The following TENM2 variants were observed in gnomAD, a reference collection of about 807,000 sequenced individuals.
TENM2 encodes teneurin-2.
Under a neutral mutation model 245.2 loss-of-function variants are expected in TENM2, and 52 were observed. The observed-to-expected ratio is 0.21, with a 90% confidence interval of 0.17 to 0.27. TENM2 has a LOEUF of 0.27. TENM2 is among the 10% of genes least tolerant of loss of function. TENM2 has a pLI of 1.00. For synonymous variants in TENM2, 1,363 were observed against 1,438.9 expected (o/e 0.95, Z 1.19); for missense variants, 3,046 against 3,666.8 (o/e 0.83, Z 4.37).
chr5:168,010,854 A>G (rs1785167715), intron 5 of TENM2, among the ~76,000 whole-genome samples: 1 of 152,202 alleles, frequency 6.6e-6, no homozygotes, highest in African/African-American at 2.4e-5. Context: ...CGCATATTCA[A>G]TTTGGGGGCG....
intron 2 of TENM2, chr5:167,755,163 T>C: frequency 6.3e-7 from 1 of 1,599,050 alleles, no homozygotes; most frequent in Non-Finnish European, 8.5e-7. Context: ...GTGAGTTTTC[T>C]CCATGGGAAG....
chr5:167,029,922 C>A, the TENM2 span, among the ~76,000 whole-genome samples: 1 of 152,326 alleles, frequency 6.6e-6, no homozygotes, highest in South Asian at 2.1e-4. Context: ...ACCTGAGTCC[C>A]TGACTCCTGG....
chr5:167,255,145 T>A, the TENM2 span, among the ~76,000 whole-genome samples: 1 of 151,804 alleles, frequency 6.6e-6, no homozygotes, highest in African/African-American at 2.4e-5. Context: ...CCTTGAGCTG[T>A]ACAGTCAAAA....
At chr5:167,715,066 G>A (rs1489322945) in intron 2 of TENM2, among the ~76,000 whole-genome samples, 1 of 152,062 alleles carries the variant, frequency 6.6e-6, no homozygotes, top group Non-Finnish European at 1.5e-5. Flanking sequence ...CTCAAAGGAT[G>A]CCAAGAAACA....
At chr5:167,355,838 AAAG>A (rs891452437) in intron 1 of TENM2, among the ~76,000 whole-genome samples, 1 of 151,916 alleles carries the variant, frequency 6.6e-6, no homozygotes, top group Non-Finnish European at 1.5e-5. Flanking sequence ...GCATTTTAAA[AAAG>A]AAGCAATCTA....
At chr5:168,253,488 C>A (rs1346700266) in intron 27 of TENM2, among the ~76,000 whole-genome samples, 1 of 145,110 alleles carries the variant, frequency 6.9e-6, no homozygotes, top group Non-Finnish European at 1.5e-5. Flanking sequence ...TGCAGTGGTA[C>A]GATCTTGGCT....
intron 2 of TENM2, among the ~76,000 whole-genome samples, chr5:167,515,080 T>C (rs1014348103): frequency 1.3e-5 from 2 of 152,080 alleles, no homozygotes; most frequent in African/African-American, 2.4e-5. Context: ...AGCCATCAAG[T>C]TCATGAAGGT....
At chr5:167,915,917 A>G (rs1233210793) in intron 3 of TENM2, among the ~76,000 whole-genome samples, 3 of 152,200 alleles carry the variant, frequency 2.0e-5, no homozygotes, top group African/African-American at 4.8e-5. Flanking sequence ...GGCAATAGGT[A>G]TATTTGATTA....
At chr5:166,997,978 T>C in the TENM2 span, among the ~76,000 whole-genome samples, 1 of 152,128 alleles carries the variant, frequency 6.6e-6, no homozygotes. Context: ...TCTAGTTTCA[T>C]ATATGTACAT....
At chr5:167,359,553 A>G (rs1010513023) in intron 1 of TENM2, among the ~76,000 whole-genome samples, 1 of 151,838 alleles carries the variant, frequency 6.6e-6, no homozygotes, top group African/African-American at 2.4e-5. Flanking sequence ...CTTTTAAGAT[A>G]TTACATACTT....
intron 2 of TENM2, among the ~76,000 whole-genome samples, chr5:167,870,939 T>C (rs2151342386): frequency 6.6e-6 from 1 of 152,192 alleles, no homozygotes; most frequent in African/African-American, 2.4e-5. Context: ...TTTAAGTGAA[T>C]TTTGGGAATT....
At chr5:167,631,464 T>C (rs1778868067) in intron 2 of TENM2, among the ~76,000 whole-genome samples, 1 of 152,140 alleles carries the variant, frequency 6.6e-6, no homozygotes. Context: ...AAGTTGGATG[T>C]GGCTGAAGCA....
intron 3 of TENM2, among the ~76,000 whole-genome samples, chr5:167,897,699 C>T (rs1182034160): frequency 6.6e-6 from 1 of 152,158 alleles, no homozygotes; most frequent in Non-Finnish European, 1.5e-5. Context: ...CACCCACAGT[C>T]TTTGCCTCAT....
intron 2 of TENM2, among the ~76,000 whole-genome samples, chr5:167,391,301 T>C (rs1002978790): frequency 1.3e-5 from 2 of 152,056 alleles, no homozygotes; most frequent in African/African-American, 2.4e-5. Flanking sequence ...AACTTGATGA[T>C]AGTTTGAATG....
intron 2 of TENM2, among the ~76,000 whole-genome samples, chr5:167,426,841 C>G (rs76062274): frequency 0.011 from 1,654 of 152,204 alleles, 9 homozygotes; most frequent in South Asian, 0.046. Context: ...AACATATGCT[C>G]TACATTTTTT....
intron 2 of TENM2, among the ~76,000 whole-genome samples, chr5:167,768,565 C>G (rs956079083): frequency 4.6e-5 from 7 of 152,132 alleles, no homozygotes. Flanking sequence ...TCTCAACCAT[C>G]AGGAGCTCAT....
chr5:168,219,815 T>C (rs1581668272), intron 23 of TENM2, among the ~76,000 whole-genome samples: 2 of 91,010 alleles, frequency 2.2e-5, no homozygotes, highest in African/African-American at 1.4e-4. Context: ...TTAGGGAGAG[T>C]TGGCACAGCA....
chr5:168,175,696 G>A (rs924161750), intron 13 of TENM2, among the ~76,000 whole-genome samples: 1 of 152,168 alleles, frequency 6.6e-6, no homozygotes, highest in Non-Finnish European at 1.5e-5. Flanking sequence ...TATGCCAGGT[G>A]TGCCAGAGTC....
chr5:168,129,829 G>A (rs1754410104), intron 12 of TENM2: 1 of 152,126 alleles, frequency 6.6e-6, no homozygotes, highest in South Asian at 2.1e-4. Context: ...AGGAAATGGG[G>A]GCTCTTTGGT....
Sources: allele counts gnomAD v4.1 joint callset (sites outside exome capture counted in the v4.1 genomes callset), GRCh38; gene constraint gnomAD v4.1.1; transcripts MANE v1.5; gene names NCBI Gene and HGNC (gene_info 2026-07-23, HGNC 2026-07-21).